SRPK2: variants seen among roughly 807,000 people sequenced by gnomAD.
SRPK2 encodes the protein SRSF protein kinase 2.
In SRPK2, 21 loss-of-function variants were observed where a neutral mutation model predicts 90.8. The observed-to-expected ratio is 0.23, with a 90% CI of 0.16 to 0.33. The LOEUF is 0.33. SRPK2 is among the 10% of genes least tolerant of loss of function. The pLI is 1.00. For synonymous variants in SRPK2, 288 were observed against 311.1 expected, an observed-to-expected ratio of 0.93 and a Z score of 0.78; for missense variants, 620 against 869.0, an observed-to-expected ratio of 0.71 and a Z score of 3.60.
rs148476426 is a variant in SRPK2, at chr7:105,357,637, G to A, written c.71+31011C>T. On this transcript the variant is annotated intron_variant, in intron 2 of 15. Coordinates refer to ENST00000393651, the MANE Select transcript of SRPK2 (RefSeq NM_182692.3). ...TGTGCGCTTGTTACCCCAGCTACTC[G>A]GGAGGCTGAGGCAAGAGAATTGCTT... 9.7e-4 allele frequency among the ~76,000 whole-genome samples: 148 copies of A among 152,006 alleles called. 2 individuals are homozygous for A. In the East Asian group the frequency reaches 0.026, roughly 27 times the overall value.
chr7:105,256,526 T>A (rs1289089386), intron 2 of SRPK2, among the ~76,000 whole-genome samples: 1 of 152,152 alleles, frequency 6.6e-6, no homozygotes, highest in African/African-American at 2.4e-5. Flanking sequence ...CAACTTATTT[T>A]TAAATTATTT....
chr7:105,268,837 C>G, intron 2 of SRPK2: 1 of 1,597,124 alleles, frequency 6.3e-7, no homozygotes, highest in African/African-American at 1.3e-5. Context: ...TCAGAGTTAA[C>G]TGACATCAGC....
At position 105,181,107 on chromosome 7, in the gene SRPK2, A is replaced by G. The variant is rs567423568; in HGVS notation, c.230-11842T>C. On this transcript the variant is annotated intron_variant, in intron 3 of 15. Coordinates refer to ENST00000393651, the MANE Select transcript of SRPK2 (RefSeq NM_182692.3). ...GAAGACGTACATGCGGCCAATAAGC[A>G]TATAAAAACCTGCTCAACATCACTA... 2.3e-4 allele frequency among the ~76,000 whole-genome samples: 35 copies of G among 152,324 alleles called. 1 individual carries two copies. The South Asian group carries it at 4.8e-3, about 21-fold the overall frequency.
intron 3 of SRPK2, among the ~76,000 whole-genome samples, chr7:105,180,428 G>T (rs1299246007): frequency 6.6e-6 from 1 of 152,116 alleles, no homozygotes; most frequent in Non-Finnish European, 1.5e-5. Context: ...AATCAAGATG[G>T]ATTAAGAGTT....
chr7:105,311,367 G>A (rs527938090), intron 2 of SRPK2, among the ~76,000 whole-genome samples: 2 of 152,010 alleles, frequency 1.3e-5, no homozygotes, highest in Non-Finnish European at 2.9e-5. Context: ...TGAGTAACTG[G>A]GACTAGTGGC....
At chr7:105,205,904 T>TA (rs765690099) in intron 2 of SRPK2, 1 of 512,726 alleles carries the variant, frequency 2.0e-6, no homozygotes, top group East Asian at 5.5e-5. Context: ...AAACTTTATA[T>TA]AAAAAATGAG....
chr7:105,302,036 G>A, intron 2 of SRPK2: 1 of 1,569,942 alleles, frequency 6.4e-7, no homozygotes, highest in Non-Finnish European at 8.8e-7. Context: ...CTGGAACTGG[G>A]TTGATGTTGT....
intron 2 of SRPK2, among the ~76,000 whole-genome samples, chr7:105,372,865 G>A (rs988428611): frequency 1.3e-5 from 2 of 152,122 alleles, no homozygotes; most frequent in Admixed American, 1.3e-4. Flanking sequence ...AAGGCCGGTG[G>A]ATCACCTGAG....
chr7:105,190,898 T>C (rs1302694734), intron 3 of SRPK2, among the ~76,000 whole-genome samples: 1 of 152,236 alleles, frequency 6.6e-6, no homozygotes, highest in African/African-American at 2.4e-5. Context: ...CTACTAATAA[T>C]GCCAACATTA....
At chr7:105,364,244 C>A (rs1056675806) in intron 2 of SRPK2, among the ~76,000 whole-genome samples, 4 of 152,034 alleles carry the variant, frequency 2.6e-5, no homozygotes, top group African/African-American at 9.7e-5. Flanking sequence ...TCTGGACAGT[C>A]TTCTCCAGCA....
At chr7:105,260,904 G>A (rs557003024) in intron 2 of SRPK2, among the ~76,000 whole-genome samples, 1 of 151,138 alleles carries the variant, frequency 6.6e-6, no homozygotes, top group South Asian at 2.1e-4. Flanking sequence ...ACTGGGGGAG[G>A]GACAGCATTA....
At chr7:105,377,508 C>A (rs1820443506) in intron 2 of SRPK2, among the ~76,000 whole-genome samples, 2 of 151,540 alleles carry the variant, frequency 1.3e-5, no homozygotes, top group South Asian at 4.2e-4. Flanking sequence ...GCCTGGCCAA[C>A]ATGGTGAAAC....
chr7:105,167,810 C>A (rs1341229765), intron 5 of SRPK2, among the ~76,000 whole-genome samples, 198 bp downstream of exon 5: 1 of 151,930 alleles, frequency 6.6e-6, no homozygotes, highest in Non-Finnish European at 1.5e-5. Context: ...GGGGTTTCAC[C>A]GTGTTTGCCA....
chr7:105,375,982 TC>T (rs1820232329), intron 2 of SRPK2, among the ~76,000 whole-genome samples: 1 of 134,678 alleles, frequency 7.4e-6, no homozygotes, highest in African/African-American at 2.8e-5. Flanking sequence ...AGAATTCATT[TC>T]TTTTTTTTTT....
At chr7:105,289,737 C>T (rs1387295006) in intron 2 of SRPK2, among the ~76,000 whole-genome samples, 3 of 152,296 alleles carry the variant, frequency 2.0e-5, no homozygotes, top group South Asian at 2.1e-4. Flanking sequence ...AAATTTCCGT[C>T]AAAAATTTTT....
chr7:105,175,283 G>A (rs1369128442), intron 3 of SRPK2, among the ~76,000 whole-genome samples: 1 of 151,984 alleles, frequency 6.6e-6, no homozygotes, highest in Non-Finnish European at 1.5e-5. Flanking sequence ...TAACCCATGG[G>A]ATAAAGAAGA....
At position 105,388,715 on chromosome 7, in the gene SRPK2, A is replaced by G; in HGVS notation, c.17-13T>C. On this transcript the variant is annotated splice_polypyrimidine_tract_variant and intron_variant, in intron 1 of 15. Transcript: ENST00000393651. Reference sequence around the variant, plus strand: ...TGAATGGCCAGCACTGGGGAAGAGAAGACACACATTAACGGTCGGGCCGCC... The same window carrying G: ...TGAATGGCCAGCACTGGGGAAGAGAGGACACACATTAACGGTCGGGCCGCC... 6.4e-7 allele frequency: 1 copy of G among 1,572,840 alleles called. No homozygotes were observed. Among genetic ancestry groups the G allele is most frequent in the South Asian group, 1.1e-5 (1 of 87,416 alleles).
chr7:105,331,494 A>C (rs1367689469), intron 2 of SRPK2, among the ~76,000 whole-genome samples: 1 of 152,124 alleles, frequency 6.6e-6, no homozygotes, highest in Non-Finnish European at 1.5e-5. Context: ...AGGAGAAAAA[A>C]TAATTTCTGA....
intron 2 of SRPK2, among the ~76,000 whole-genome samples, chr7:105,324,715 C>T (rs928112044): frequency 2.6e-5 from 4 of 151,936 alleles, no homozygotes; most frequent in African/African-American, 7.3e-5. Flanking sequence ...GGCAAAACCC[C>T]GTCTCTACTA....
Sources: gnomAD v4.1 joint callset for allele counts (sites outside exome capture counted in the v4.1 genomes callset) on GRCh38, gnomAD v4.1.1 for gene constraint, MANE v1.5 for transcripts, NCBI Gene and HGNC (gene_info 2026-07-23, HGNC 2026-07-21) for gene names.